The following DELE1 variants were observed in gnomAD, a reference collection of about 807,000 sequenced individuals.
DELE1 encodes the protein DAP3 binding cell death enhancer 1.
A neutral mutation model predicts 59.3 loss-of-function variants in DELE1; 54 were observed. That is an observed-to-expected ratio of 0.91 (90% CI 0.73 to 1.14). The LOEUF is 1.14. DELE1 is among the 50% of genes most tolerant of loss of function. The pLI is 0.00. For missense variants in DELE1, 636 were observed against 643.9 expected, an observed-to-expected ratio of 0.99 and a Z score of 0.13; for synonymous variants, 264 against 259.1, an observed-to-expected ratio of 1.02 and a Z score of -0.18.
Position 141,929,846 on chromosome 5 carries a change from C to T in DELE1, c.571+106C>T, listed in dbSNP as rs189652814. ...AAGGGAATTGGCACTCCTGTGAGGT[C>T]CCATGCCTTGTGAGGTGATTCAGGG... On this transcript the variant is annotated intron_variant, in intron 5 of 11. Transcript: ENST00000432126. 3,012 of 1,517,988 alleles carry T rather than the reference C, an allele frequency of 2.0e-3. 7 individuals carry two copies. The highest frequency in any genetic ancestry group is 2.2e-3 in the Non-Finnish European group (2,440 of 1,099,382). 94.0% of individuals were successfully genotyped at this position (1,517,988 alleles called of 1,614,324 possible).
chr5:141,925,361 C>T (rs1381039340), intron 2 of DELE1, 49 bp from the exon 3 acceptor site: 1 of 1,305,722 alleles, frequency 7.7e-7, no homozygotes, highest in African/African-American at 1.5e-5. Context: ...GCACCCAGTC[C>T]CTGGTCTCCC....
intron 10 of DELE1, chr5:141,936,875 C>G (rs1170557517): frequency 1.0e-6 from 1 of 985,286 alleles, no homozygotes; most frequent in African/African-American, 1.7e-5. Context: ...AGCCCGACTC[C>G]CAGGTTTGCT....
chr5:141,940,642 G>T lies in DELE1; in HGVS notation c.*1883G>T, dbSNP rs548143610. 4.1e-6 allele frequency: 4 copies of T among 985,800 alleles called. No individual in the cohort carries two copies. The highest frequency in any genetic ancestry group is 6.1e-5 in the Admixed American group (1 of 16,262). The allele number at this position is 985,800 out of a possible 1,614,324, so 61.1% of individuals were successfully genotyped here. On this transcript the variant is annotated 3_prime_UTR_variant, in exon 12 of 12. Transcript: ENST00000432126. ...AAGCGTCCTCTAGCTCCATCTCCTC[G>T]CCTGCTCCCTGCCTCCTTTTCAGGG...
intron 3 of DELE1, among the ~76,000 whole-genome samples, chr5:141,926,769 T>C (rs1324189806): frequency 1.3e-5 from 2 of 152,154 alleles, no homozygotes; most frequent in Non-Finnish European, 2.9e-5. Flanking sequence ...GAGAGGAGCA[T>C]TTTCCCATGT....
chr5:141,928,120 G>C, intron 3 of DELE1, 31 bp from the exon 4 acceptor site: 3 of 1,603,306 alleles, frequency 1.9e-6, no homozygotes, highest in Non-Finnish European at 2.6e-6. Context: ...ATTGGTGAAG[G>C]ACCGTGTCCT....
At chr5:141,934,762 C>T (rs555328047) in intron 10 of DELE1, 176 bp downstream of exon 10, 66 of 625,942 alleles carry the variant, frequency 1.1e-4, no homozygotes, top group South Asian at 8.2e-4. Flanking sequence ...TGCAGTAGTA[C>T]GCCAGAGCTG....
At chr5:141,926,045 A>T (rs1751390684) in intron 3 of DELE1, among the ~76,000 whole-genome samples, 1 of 151,678 alleles carries the variant, frequency 6.6e-6, no homozygotes, top group Non-Finnish European at 1.5e-5. Context: ...ACGCCTGGAT[A>T]ATTTTTGTGT....
chr5:141,936,095 G>T (rs1752330241), intron 10 of DELE1, among the ~76,000 whole-genome samples: 1 of 152,198 alleles, frequency 6.6e-6, no homozygotes, highest in Admixed American at 6.5e-5. Context: ...ATAGTGTTTT[G>T]TTTTGTTTTT....
Position 141,941,816 on chromosome 5 carries a change from G to A in DELE1, c.*3057G>A, listed in dbSNP as rs1231024876. 3 of 985,210 alleles carry A rather than the reference G, an allele frequency of 3.0e-6. No homozygotes were observed. Among genetic ancestry groups the A allele is most frequent in the Non-Finnish European group, 2.4e-6 (2 of 829,916 alleles). The allele number at this position is 985,210 out of a possible 1,614,324, so 61.0% of individuals were successfully genotyped here. A position where few individuals can be genotyped will look rare whatever the true frequency, so the allele number is the denominator to read the frequency against. On this transcript the variant is annotated 3_prime_UTR_variant, in exon 12 of 12. Transcript: ENST00000432126. ...GTAAATATACATTCAACAAATAAGTGAGTGATTATACTCAACTCCCCCCAC... is the reference window on the plus strand; with the variant it reads ...GTAAATATACATTCAACAAATAAGTAAGTGATTATACTCAACTCCCCCCAC...
Position 141,930,211 on chromosome 5 carries a change from G to T in DELE1, c.691G>T (p.Glu231Ter). The change falls in exon 7 of 12, where the codon GAG becomes TAG. Residue 231 changes from glutamate (E) to a stop codon, truncating the protein, a stop_gained. Transcript: ENST00000432126. LOFTEE classifies it high-confidence loss of function. ...TAAATCAAAAACTCTTTCCCTTGAGGAGGCTGTGACTTCCATTCAGCAGCT... is the reference window on the plus strand; with the variant it reads ...TAAATCAAAAACTCTTTCCCTTGAGTAGGCTGTGACTTCCATTCAGCAGCT... ...QDKSKTLSLE[E>*]AVTSIQQLFQ... is the part of the protein sequence containing the mutation. The T allele has an allele frequency of 6.2e-7, 1 of 1,614,032 alleles. No individual in the cohort carries two copies. Among genetic ancestry groups the T allele is most frequent in the Non-Finnish European group, 8.5e-7 (1 of 1,179,900 alleles).
chr5:141,933,104 AAAAAAAAAT>A (rs1354412583), intron 7 of DELE1, among the ~76,000 whole-genome samples, 146 bp from the exon 8 acceptor site: 1 of 138,244 alleles, frequency 7.2e-6, no homozygotes, highest in African/African-American at 2.9e-5. Flanking sequence ...CAAAAAAAAA[AAAAAAAAAT>A]ATATATATAT....
chr5:141,940,252 A>G lies in DELE1; in HGVS notation c.*1493A>G, dbSNP rs933791812. 7.1e-6 allele frequency: 7 copies of G among 985,310 alleles called. No individual in the cohort carries two copies. The African/African-American group carries it at 1.0e-4, about 15-fold the overall frequency. 61.0% of individuals were successfully genotyped at this position (985,310 alleles called of 1,614,324 possible). On this transcript the variant is annotated 3_prime_UTR_variant, in exon 12 of 12. Coordinates refer to ENST00000432126, the MANE Select transcript of DELE1 (RefSeq NM_014773.5). ...TCATCTCTAAACTCTCCACTAACCA[A>G]TTTAAAGGATCTTAAAAGCTTCTCC...
In DELE1 at chr5:141,937,216, C is replaced by T. The variant is rs754008510; in HGVS notation, c.1168C>T (p.His390Tyr). The part of the protein sequence containing the change: ...ANNGDSQSRY[H>Y]LGICYEKGLG... Reference sequence around the variant, plus strand: ...TCCTTAGGACTCACAGAGCAGGTACCACCTTGGAATTTGCTATGAGAAAGG... The same window carrying T: ...TCCTTAGGACTCACAGAGCAGGTACTACCTTGGAATTTGCTATGAGAAAGG... The change falls in exon 11 of 12, where the codon CAC becomes TAC. Residue 390 changes from histidine (H) to tyrosine (Y), a missense_variant. By Grantham distance (83) the His-to-Tyr change is moderately conservative. Transcript: ENST00000432126. 3 of 1,614,136 alleles carry T rather than the reference C, an allele frequency of 1.9e-6. No individual in the cohort carries two copies. The highest frequency in any genetic ancestry group is 2.2e-5 in the South Asian group (2 of 91,080).
intron 4 of DELE1, among the ~76,000 whole-genome samples, chr5:141,928,821 A>AGG (rs1316241787): frequency 6.6e-6 from 1 of 152,024 alleles, no homozygotes; most frequent in African/African-American, 2.4e-5. Flanking sequence ...AATAAAACCC[A>AGG]CCCCATAGGT....
chr5:141,925,350 C>T (rs555060908), intron 2 of DELE1, 60 bp from the exon 3 acceptor site: 61 of 1,189,904 alleles, frequency 5.1e-5, no homozygotes, highest in East Asian at 3.6e-4. Flanking sequence ...TGTGAGCCAC[C>T]GCACCCAGTC....
rs762295287 is a variant in DELE1, at chr5:141,938,548, C to A, written c.1337C>A (p.Thr446Lys). ...AAPGPSDLTV[T>K]GLKSFSSPSL... ...CCGGGGCCCAGCGACCTGACAGTTA[C>A]AGGACTGAAGTCTTTCTCCAGCCCC... The change falls in exon 12 of 12, where the codon ACA becomes AAA. Residue 446 changes from threonine (T) to lysine (K), a missense_variant. Coordinates refer to ENST00000432126, the MANE Select transcript of DELE1 (RefSeq NM_014773.5). 1.2e-6 allele frequency: 2 copies of A among 1,614,010 alleles called. No homozygotes were observed. The highest frequency in any genetic ancestry group is 2.7e-5 in the African/African-American group (2 of 74,920).
Position 141,941,237 on chromosome 5 carries a change from A to G in DELE1, c.*2478A>G. The G allele has an allele frequency of 1.0e-6, 1 of 985,500 alleles. No individual in the cohort carries two copies. Among genetic ancestry groups the G allele is most frequent in the Non-Finnish European group, 1.2e-6 (1 of 829,972 alleles). 61.0% of individuals were successfully genotyped at this position (985,500 alleles called of 1,614,324 possible). A position where few individuals can be genotyped will look rare whatever the true frequency, so the allele number is the denominator to read the frequency against. On this transcript the variant is annotated 3_prime_UTR_variant, in exon 12 of 12. Transcript: ENST00000432126. ...CACTGGGCGTCCTGTGGTGAAGGCC[A>G]GATGCAGCCCTCCCTGAGTGGCTCT...
At chr5:141,936,894 C>T in intron 10 of DELE1, 1 of 985,366 alleles carries the variant, frequency 1.0e-6, no homozygotes, top group Middle Eastern at 5.2e-4. Context: ...CTATAACTGG[C>T]CTGAGTGTTT....
At chr5:141,930,361 G>A in intron 7 of DELE1, 87 bp downstream of exon 7, 1 of 940,730 alleles carries the variant, frequency 1.1e-6, no homozygotes, top group Non-Finnish European at 1.7e-6. Context: ...GATAGGGAGT[G>A]GCTTAAACGA....
Sources: allele counts gnomAD v4.1 joint callset (sites outside exome capture counted in the v4.1 genomes callset), GRCh38; gene constraint gnomAD v4.1.1; transcripts MANE v1.5; gene names NCBI Gene and HGNC (gene_info 2026-07-23, HGNC 2026-07-21).